Variants in PIK3C2G observed in about 807,000 individuals in gnomAD.
PIK3C2G encodes phosphatidylinositol 3-kinase C2 domain-containing subunit gamma.
Under a neutral mutation model 181.1 loss-of-function variants are expected in PIK3C2G, and 168 were observed. The ratio of observed to expected loss-of-function variants is 0.93; its 90% CI spans 0.82 to 1.05. PIK3C2G has a LOEUF of 1.05. Ranked by LOEUF, PIK3C2G falls within the 50% of genes least tolerant of loss-of-function variation. The probability of loss-of-function intolerance (pLI) is 0.00; values close to 1 mark genes in which losing one functional copy is unlikely to be tolerated. For missense variants in PIK3C2G, 1,869 were observed against 1,732.8 expected, an observed-to-expected ratio of 1.08 and a Z score of -1.40; for synonymous variants, 573 against 592.2, an observed-to-expected ratio of 0.97 and a Z score of 0.47.
chr12:18,617,015 T>C (rs1948636058), intron 31 of PIK3C2G, among the ~76,000 whole-genome samples: 1 of 152,134 alleles, frequency 6.6e-6, no homozygotes, highest in Non-Finnish European at 1.5e-5. Flanking sequence ...AACTCTAATC[T>C]AATGCAGATA....
rs965749020 is a variant in PIK3C2G at position 18,505,368 on chromosome 12, A to G, written c.3230A>G (p.Asn1077Ser). Reference sequence around the variant, plus strand: ...ATCCTGGGAGTATGTGACCGTCACAATGATAATATCATGCTGACAAAGTCG... The same window carrying G: ...ATCCTGGGAGTATGTGACCGTCACAGTGATAATATCATGCTGACAAAGTCG... The part of the protein sequence containing the change: ...TFILGVCDRH[N>S]DNIMLTKSGH... The change falls in exon 24 of 33, where the codon AAT becomes AGT. Residue 1077 changes from asparagine (N) to serine (S), a missense_variant. Transcript: ENST00000538779. The G allele has an allele frequency of 4.3e-6, 7 of 1,613,330 alleles. No homozygotes were observed. Among genetic ancestry groups the G allele is most frequent in the Admixed American group, 3.3e-5 (2 of 59,942 alleles).
chr12:18,461,084 G>GTATA (rs1213075850), intron 18 of PIK3C2G, among the ~76,000 whole-genome samples: 1 of 152,054 alleles, frequency 6.6e-6, no homozygotes, highest in East Asian at 1.9e-4. Flanking sequence ...GTGTATGTAT[G>GTATA]TATATAATCT....
chr12:18,388,332 G>A (rs894903171), intron 14 of PIK3C2G, among the ~76,000 whole-genome samples: 16 of 152,026 alleles, frequency 1.1e-4, no homozygotes, highest in Admixed American at 7.2e-4. Flanking sequence ...GGGCAGTGGC[G>A]TGACCTCAGC....
At chr12:18,623,418 C>G (rs866397891) in intron 31 of PIK3C2G, among the ~76,000 whole-genome samples, 1 of 151,768 alleles carries the variant, frequency 6.6e-6, no homozygotes, top group Non-Finnish European at 1.5e-5. Flanking sequence ...TACGCCAGTA[C>G]TAGCTGTTTA....
intron 24 of PIK3C2G, among the ~76,000 whole-genome samples, chr12:18,512,099 T>A (rs1417420238): frequency 6.6e-6 from 1 of 152,074 alleles, no homozygotes; most frequent in African/African-American, 2.4e-5. Flanking sequence ...TCTTGGCACC[T>A]TTGTCAAAAA....
chr12:18,709,750 G>A, the PIK3C2G span, among the ~76,000 whole-genome samples: 1 of 151,968 alleles, frequency 6.6e-6, no homozygotes, highest in African/African-American at 2.4e-5. Context: ...GCTTTAGACA[G>A]CATGAACATT....
intron 29 of PIK3C2G, among the ~76,000 whole-genome samples, chr12:18,576,515 AAC>A (rs1341957969): frequency 3.3e-5 from 5 of 152,240 alleles, no homozygotes; most frequent in Non-Finnish European, 4.4e-5. Context: ...GTAATAGGGA[AAC>A]AGAGTATAAT....
At chr12:18,611,644 A>G (rs901067131) in intron 31 of PIK3C2G, among the ~76,000 whole-genome samples, 2 of 152,048 alleles carry the variant, frequency 1.3e-5, no homozygotes, top group African/African-American at 2.4e-5. Flanking sequence ...CACTAAACCT[A>G]CATCGTTTGC....
chr12:18,411,787 T>C (rs1944879080), intron 16 of PIK3C2G, among the ~76,000 whole-genome samples: 1 of 152,178 alleles, frequency 6.6e-6, no homozygotes, highest in African/African-American at 2.4e-5. Flanking sequence ...GATCTCAGAT[T>C]TCTTTGCTTT....
chr12:18,495,186 T>C (rs561875488), intron 20 of PIK3C2G, among the ~76,000 whole-genome samples: 1 of 152,224 alleles, frequency 6.6e-6, no homozygotes. Flanking sequence ...AGTTGATAAA[T>C]TGAAAGCATA....
chr12:18,640,561 A>G lies in PIK3C2G; in HGVS notation c.4308+7A>G. Reference sequence around the variant, plus strand: ...CCCCACTTACAATGAAATTGTAAGTATAAGTCACCTTTTGTCCAGTCATTT... The same window carrying G: ...CCCCACTTACAATGAAATTGTAAGTGTAAGTCACCTTTTGTCCAGTCATTT... On this transcript the variant is annotated splice_region_variant and intron_variant, in intron 32 of 32. Coordinates refer to ENST00000538779, the MANE Select transcript of PIK3C2G (RefSeq NM_001288772.2). 6.3e-7 allele frequency: 1 copy of G among 1,586,646 alleles called. No homozygotes were observed. Among genetic ancestry groups the G allele is most frequent in the South Asian group, 1.2e-5 (1 of 86,774 alleles).
intron 19 of PIK3C2G, among the ~76,000 whole-genome samples, chr12:18,489,092 A>T (rs901630348): frequency 3.9e-5 from 6 of 152,086 alleles, no homozygotes; most frequent in African/African-American, 1.4e-4. Flanking sequence ...AGATCTATGG[A>T]TACTAGTCAA....
chr12:18,719,333 G>A, the PIK3C2G span: 65 of 619,310 alleles, frequency 1.0e-4, no homozygotes, highest in Admixed American at 1.6e-4. Context: ...AACATGGAGA[G>A]TCTTCTTTTT....
chr12:18,267,887 T>C, intron 1 of PIK3C2G, among the ~76,000 whole-genome samples: 1 of 152,210 alleles, frequency 6.6e-6, no homozygotes, highest in South Asian at 2.1e-4. Flanking sequence ...GCAAAACAAA[T>C]GCACAGTCAC....
At chr12:18,298,116 T>C (rs1461688111) in intron 5 of PIK3C2G, among the ~76,000 whole-genome samples, 1 of 152,024 alleles carries the variant, frequency 6.6e-6, no homozygotes, top group Non-Finnish European at 1.5e-5. Context: ...TTTTCCATAA[T>C]GGTTGTAGTA....
At chr12:18,501,064 A>G (rs1173925951) in intron 22 of PIK3C2G, among the ~76,000 whole-genome samples, 2 of 151,812 alleles carry the variant, frequency 1.3e-5, no homozygotes, top group African/African-American at 2.4e-5. Context: ...ACATCCGAAC[A>G]TCAGAAAGAA....
At chr12:18,415,268 C>G (rs1292750935) in intron 16 of PIK3C2G, among the ~76,000 whole-genome samples, 1 of 152,078 alleles carries the variant, frequency 6.6e-6, no homozygotes, top group Non-Finnish European at 1.5e-5. Flanking sequence ...GTAACTATGT[C>G]CCATTTGGAA....
In PIK3C2G at chr12:18,346,727, C is replaced by T. The variant is rs777578676; in HGVS notation, c.1516C>T (p.Gln506Ter). The T allele has an allele frequency of 6.2e-7, 1 of 1,613,374 alleles. No homozygotes were observed. The highest frequency in any genetic ancestry group is 8.5e-7 in the Non-Finnish European group (1 of 1,179,414). The change falls in exon 11 of 33, where the codon CAG becomes TAG. Residue 506 changes from glutamine (Q) to a stop codon, truncating the protein, a stop_gained. Coordinates refer to ENST00000538779, the MANE Select transcript of PIK3C2G (RefSeq NM_001288772.2). LOFTEE classifies it high-confidence loss of function. Reference protein sequence around the residue: ...VYCNSFYADFQPVNVPRCTSY... With the variant: ...VYCNSFYADF Reference sequence around the variant, plus strand: ...CTGTAACAGCTTTTATGCAGATTTTCAGCCTGTAAATGTACCTAGATGCAC... The same window carrying T: ...CTGTAACAGCTTTTATGCAGATTTTTAGCCTGTAAATGTACCTAGATGCAC...
chr12:18,488,295 C>T (rs1940243656), intron 18 of PIK3C2G, among the ~76,000 whole-genome samples, 154 bp from the exon 19 acceptor site: 1 of 152,060 alleles, frequency 6.6e-6, no homozygotes, highest in Non-Finnish European at 1.5e-5. Context: ...TGATGACTGT[C>T]AATGAATAAA....
Sources: allele counts gnomAD v4.1 joint callset (sites outside exome capture counted in the v4.1 genomes callset), GRCh38; gene constraint gnomAD v4.1.1; transcripts MANE v1.5; gene names NCBI Gene and HGNC (gene_info 2026-07-23, HGNC 2026-07-21).